The following BNC2 variants were observed in gnomAD, a reference collection of about 807,000 sequenced individuals.
BNC2 encodes the protein zinc finger protein basonuclin-2.
A neutral mutation model predicts 76.3 loss-of-function variants in BNC2; 20 were observed. That is an observed-to-expected ratio of 0.26 (90% confidence interval 0.18 to 0.38). BNC2 has a LOEUF of 0.38. Ranked by LOEUF, BNC2 falls within the 10% of genes least tolerant of loss-of-function variation. The pLI is 1.00. For synonymous variants in BNC2, 582 were observed against 514.8 expected, an observed-to-expected ratio of 1.13 and a Z score of -1.77; for missense variants, 1,382 against 1,399.8, an observed-to-expected ratio of 0.99 and a Z score of 0.20.
chr9:16,630,689 T>C (rs1389526018), intron 3 of BNC2, among the ~76,000 whole-genome samples: 1 of 152,140 alleles, frequency 6.6e-6, no homozygotes, highest in South Asian at 2.1e-4. Context: ...ACTAGATTTC[T>C]GGTCCTCACC....
intron 1 of BNC2, among the ~76,000 whole-genome samples, chr9:16,818,131 A>G (rs757323674): frequency 2.0e-5 from 3 of 152,198 alleles, no homozygotes; most frequent in South Asian, 2.1e-4. Flanking sequence ...TAGGCCGGGC[A>G]CGGTGGCTCA....
At chr9:16,716,455 CT>C (rs543378329) in intron 3 of BNC2, among the ~76,000 whole-genome samples, 4 of 151,324 alleles carry the variant, frequency 2.6e-5, no homozygotes, top group African/African-American at 4.8e-5. Context: ...TTTATATCTA[CT>C]TTTTTTTTAC....
chr9:16,743,664 G>C (rs1824915173), intron 1 of BNC2, among the ~76,000 whole-genome samples: 1 of 152,162 alleles, frequency 6.6e-6, no homozygotes, highest in African/African-American at 2.4e-5. Flanking sequence ...AACCACACTG[G>C]TTTTCTTCAG....
chr9:16,556,655 T>TTACTC (rs56327547), intron 4 of BNC2, among the ~76,000 whole-genome samples: 25,427 of 151,134 alleles, frequency 0.17, 4,434 homozygotes, highest in African/African-American at 0.45. Context: ...GTAGTCCCAG[T>TTACTC]TACTCAGGAG....
chr9:16,855,706 T>A (rs528298800), intron 1 of BNC2, among the ~76,000 whole-genome samples: 1 of 151,648 alleles, frequency 6.6e-6, no homozygotes, highest in Admixed American at 6.6e-5. Context: ...CCCGGCTGAT[T>A]TCTTGTATTT....
intron 5 of BNC2, among the ~76,000 whole-genome samples, chr9:16,518,616 T>G (rs1283002584): frequency 6.6e-6 from 1 of 151,514 alleles, no homozygotes; most frequent in African/African-American, 2.4e-5. Context: ...TTGTTTTTTG[T>G]TTTTTGTTTT....
At chr9:16,513,640 C>A (rs1178432554) in intron 5 of BNC2, among the ~76,000 whole-genome samples, 1 of 152,096 alleles carries the variant, frequency 6.6e-6, no homozygotes, top group Non-Finnish European at 1.5e-5. Flanking sequence ...TTCTCTAGTA[C>A]AACGAAACAC....
chr9:16,504,198 A>G lies in BNC2; in HGVS notation c.669+48332T>C, dbSNP rs140163218. On this transcript the variant is annotated intron_variant, in intron 5 of 6. Transcript: ENST00000380672. ...ACTGTATGTGAAAATGCTTATAAAG[A>G]TAAGTAATCATGTTCCAAAAAAAGT... Among the ~76,000 whole-genome samples, 867 of 152,260 alleles carry G rather than the reference A, an allele frequency of 5.7e-3. 10 individuals are homozygous for G. The highest frequency in any genetic ancestry group is 0.02 in the African/African-American group (827 of 41,546).
At position 16,727,950 on chromosome 9, in the gene BNC2, GTC is replaced by G; in HGVS notation, c.175_176del (p.Asp59GlnfsTer17). On this transcript the variant is annotated frameshift_variant, in exon 3 of 7. Coordinates refer to ENST00000380672, the MANE Select transcript of BNC2 (RefSeq NM_017637.6). LOFTEE classifies it high-confidence loss of function. ...AGTCTCTTGCCCTCTTTGGCTCTCT[GTC>G]TCTCTGTGTCTCTCTTTCTCTCACA... is the stretch of plus-strand genomic sequence containing the variant. ...VDVRERETQR[D>X]REPKRARDLT... 6.2e-7 allele frequency: 1 copy of G among 1,614,006 alleles called. No individual in the cohort carries two copies. Among genetic ancestry groups the G allele is most frequent in the Non-Finnish European group, 8.5e-7 (1 of 1,180,004 alleles).
intron 5 of BNC2, among the ~76,000 whole-genome samples, chr9:16,521,501 C>T (rs1817618517): frequency 6.6e-6 from 1 of 152,146 alleles, no homozygotes; most frequent in Non-Finnish European, 1.5e-5. Flanking sequence ...GAATGGTTTA[C>T]ATCATTAGAG....
intron 1 of BNC2, among the ~76,000 whole-genome samples, chr9:16,786,908 C>T (rs928607356): frequency 2.0e-5 from 3 of 152,182 alleles, no homozygotes; most frequent in East Asian, 1.9e-4. Flanking sequence ...AGGTTCTCCC[C>T]TCTCCTACTT....
chr9:16,612,081 C>CA (rs113203728), intron 3 of BNC2, among the ~76,000 whole-genome samples: 1,783 of 138,436 alleles, frequency 0.013, 29 homozygotes, highest in African/African-American at 0.04. Context: ...AAAACAGAAG[C>CA]AAAAAAAAAA....
At chr9:16,729,092 C>T (rs940232061) in intron 2 of BNC2, among the ~76,000 whole-genome samples, 3 of 152,124 alleles carry the variant, frequency 2.0e-5, no homozygotes, top group African/African-American at 7.2e-5. Context: ...GAAATACACC[C>T]TTGATAACAT....
At chr9:16,868,313 T>C (rs1423138645) in intron 1 of BNC2, 1 of 152,160 alleles carries the variant, frequency 6.6e-6, no homozygotes, top group Non-Finnish European at 1.5e-5. Flanking sequence ...TCAAGAACTC[T>C]CACTTGAAAA....
chr9:16,529,304 T>C lies in BNC2; in HGVS notation c.669+23226A>G, dbSNP rs188715616. ...TTTTGGTCAACCACAAGATATATTT[T>C]TTAAACAGTAGGATATAAGAAAAAT... On this transcript the variant is annotated intron_variant, in intron 5 of 6. Coordinates refer to ENST00000380672, the MANE Select transcript of BNC2 (RefSeq NM_017637.6). Among the ~76,000 whole-genome samples, 346 of 152,294 alleles carry C rather than the reference T, an allele frequency of 2.3e-3. 6 individuals are homozygous for C. Among genetic ancestry groups the C allele is most frequent in the Admixed American group, 0.02 (313 of 15,300 alleles).
intron 1 of BNC2, among the ~76,000 whole-genome samples, chr9:16,756,978 G>C (rs1362851929): frequency 1.6e-5 from 2 of 124,564 alleles, no homozygotes; most frequent in African/African-American, 5.7e-5. Context: ...GCAACACAGC[G>C]AGACTCTGTC....
At chr9:16,786,018 C>T (rs774438641) in intron 1 of BNC2, among the ~76,000 whole-genome samples, 4 of 152,172 alleles carry the variant, frequency 2.6e-5, no homozygotes, top group African/African-American at 4.8e-5. Context: ...GAACCACAGA[C>T]ACCTTCCCTT....
chr9:16,519,739 A>G (rs1000325504), intron 5 of BNC2, among the ~76,000 whole-genome samples: 5 of 152,212 alleles, frequency 3.3e-5, no homozygotes, highest in African/African-American at 1.2e-4. Context: ...AGACATTATC[A>G]TTTCTATTTC....
At chr9:16,463,025 C>G (rs1821618969) in intron 5 of BNC2, among the ~76,000 whole-genome samples, 1 of 152,080 alleles carries the variant, frequency 6.6e-6, no homozygotes, top group Admixed American at 6.6e-5. Context: ...TCCTTCTTTC[C>G]TCACATTACT....
Sources: gnomAD v4.1 joint callset for allele counts (sites outside exome capture counted in the v4.1 genomes callset) on GRCh38, gnomAD v4.1.1 for gene constraint, MANE v1.5 for transcripts, NCBI Gene and HGNC (gene_info 2026-07-23, HGNC 2026-07-21) for gene names.